TOP2A: variants seen among roughly 807,000 people sequenced by gnomAD.
TOP2A encodes the protein DNA topoisomerase 2-alpha.
TOP2A carries 68 observed loss-of-function variants against 187.2 expected under a neutral mutation model. The observed-to-expected ratio is 0.36, with a 90% CI of 0.30 to 0.44. The LOEUF (loss-of-function observed/expected upper bound fraction) is 0.44. Ranked by LOEUF, TOP2A falls within the 20% of genes least tolerant of loss-of-function variation. The probability of loss-of-function intolerance (pLI) is 1.00; values close to 1 mark genes in which losing one functional copy is unlikely to be tolerated. For synonymous variants in TOP2A, 542 were observed against 593.2 expected (o/e 0.91, Z 1.25); for missense variants, 1,196 against 1,808.7 (o/e 0.66, Z 6.14).
At chr17:40,417,469 C>T in intron 1 of TOP2A, 2 of 1,190,646 alleles carry the variant, frequency 1.7e-6, no homozygotes, top group Non-Finnish European at 2.2e-6. Flanking sequence ...TCTGTACGCG[C>T]GACTCAATAA....
chr17:40,391,214 C>G (rs2035018644), intron 33 of TOP2A: 1 of 256,622 alleles, frequency 3.9e-6, no homozygotes, highest in South Asian at 5.9e-5. Context: ...AGCCACTCTG[C>G]CTGGCTTTTG....
At chr17:40,404,311 A>T (rs893661759) in intron 18 of TOP2A, 38 bp from the exon 19 acceptor site, 2 of 1,608,916 alleles carry the variant, frequency 1.2e-6, no homozygotes, top group South Asian at 1.1e-5. Flanking sequence ...AGTATCCTCA[A>T]TTTAACCAAT....
intron 24 of TOP2A, 47 bp downstream of exon 24, chr17:40,399,825 T>C: frequency 6.7e-7 from 1 of 1,494,194 alleles, no homozygotes. Flanking sequence ...AAAGAAAGTT[T>C]GGCGTAACTA....
Position 40,392,211 on chromosome 17 carries a change from T to TA in TOP2A, c.4088+6dup. The TA allele has an allele frequency of 6.2e-7, 1 of 1,613,192 alleles. No individual in the cohort carries two copies. The highest frequency in any genetic ancestry group is 2.2e-5 in the East Asian group (1 of 44,842). ...ATGACAAAACCCATATTAGATAAGA[T>TA]ACTTGCTTTGGGGAAGTTTTGGTCT... On this transcript the variant is annotated splice_region_variant and intron_variant, in intron 31 of 34. Coordinates refer to ENST00000423485, the MANE Select transcript of TOP2A (RefSeq NM_001067.4).
rs993372311 is a variant in TOP2A, at chr17:40,396,471, G to A, written c.3538-6C>T. 1 of 1,612,726 alleles carries A rather than the reference G, an allele frequency of 6.2e-7. No individual in the cohort carries two copies. Among genetic ancestry groups the A allele is most frequent in the Admixed American group, 1.7e-5 (1 of 59,780 alleles). ...TTTTCCTTGGCTTCAACAGCCTACA[G>A]AAGGGATATAAGAAAGCAAGTTTAA... On this transcript the variant is annotated splice_polypyrimidine_tract_variant and splice_region_variant and intron_variant, in intron 27 of 34. Transcript: ENST00000423485.
At position 40,411,564 on chromosome 17, in the gene TOP2A, A is replaced by G; in HGVS notation, c.963+81T>C. 1 of 1,548,734 alleles carries G rather than the reference A, an allele frequency of 6.5e-7. No homozygotes were observed. The highest frequency in any genetic ancestry group is 1.1e-5 in the South Asian group (1 of 88,732). ...TTATACTAAGCTAGCCCAATATTCA[A>G]GTCCACTTTATATATTAAAAACAAT... is the stretch of plus-strand genomic sequence containing the variant. On this transcript the variant is annotated intron_variant, in intron 8 of 34. Transcript: ENST00000423485. The surrounding 1 kb of genome is among the most constrained non-coding windows in gnomAD (Gnocchi z 4.4).
chr17:40,404,756 C>T (rs1489029719), intron 17 of TOP2A, 35 bp downstream of exon 17: 5 of 1,377,430 alleles, frequency 3.6e-6, no homozygotes, highest in Admixed American at 1.9e-5. Context: ...GTCAGTCTAA[C>T]AATCCATTTT....
At position 40,406,451 on chromosome 17, in the gene TOP2A, G is replaced by A. The variant is rs2143664558; in HGVS notation, c.1886C>T (p.Ala629Val). Residue 629 changes from alanine to valine, a missense_variant, in exon 16 of 35, where the codon GCA becomes GTA. Physicochemically the swap from Ala to Val is moderately conservative, Grantham distance 64 (BLOSUM62 0). Coordinates refer to ENST00000423485, the MANE Select transcript of TOP2A (RefSeq NM_001067.4). ...STSKEAKEYF[A>V]DMKRHRIQFK... is the part of the protein sequence containing the mutation. ...CTGGATACGATGTCTTTTCATATCTGCAAAGTATTCTTTAGCTTCCTTTGA... is the reference window on the plus strand; with the variant it reads ...CTGGATACGATGTCTTTTCATATCTACAAAGTATTCTTTAGCTTCCTTTGA... The A allele has an allele frequency of 6.2e-7, 1 of 1,613,738 alleles. No individual in the cohort carries two copies. Among genetic ancestry groups the A allele is most frequent in the Non-Finnish European group, 8.5e-7 (1 of 1,179,776 alleles).
At chr17:40,396,262 G>A (rs2143635052) in intron 28 of TOP2A, 21 bp downstream of exon 28, 2 of 1,379,844 alleles carry the variant, frequency 1.4e-6, no homozygotes, top group African/African-American at 1.4e-5. Flanking sequence ...TTATAGGTGT[G>A]AGCCACCACA....
chr17:40,396,232 T>C, intron 28 of TOP2A, 51 bp downstream of exon 28: 1 of 1,010,256 alleles, frequency 9.9e-7, no homozygotes, highest in Non-Finnish European at 1.5e-6. Context: ...CCACCCACCT[T>C]GGCCCCCAAA....
intron 4 of TOP2A, among the ~76,000 whole-genome samples, chr17:40,414,932 T>C (rs1178613229): frequency 1.3e-5 from 2 of 151,902 alleles, no homozygotes; most frequent in Non-Finnish European, 1.5e-5. Context: ...TGAAAACTTA[T>C]TTCAGTTATT....
At chr17:40,394,221 A>G (rs182541073) in intron 29 of TOP2A, among the ~76,000 whole-genome samples, 1 of 146,708 alleles carries the variant, frequency 6.8e-6, no homozygotes, top group Non-Finnish European at 1.5e-5. Flanking sequence ...GTGGTCACCC[A>G]GTGGAGAGGA....
At chr17:40,395,322 G>T in intron 29 of TOP2A, 127 bp downstream of exon 29, 41 of 308,388 alleles carry the variant, frequency 1.3e-4, no homozygotes, top group East Asian at 2.2e-4. Context: ...AAGTAGAATT[G>T]AGATACAGTC....
chr17:40,406,377 A>T lies in TOP2A; in HGVS notation c.1953+7T>A. The T allele has an allele frequency of 6.2e-7, 1 of 1,602,940 alleles. No individual in the cohort carries two copies. Among genetic ancestry groups the T allele is most frequent in the Non-Finnish European group, 8.5e-7 (1 of 1,172,880 alleles). On this transcript the variant is annotated splice_region_variant and intron_variant, in intron 16 of 34. Transcript: ENST00000423485. ...TAGAATGTATATAAAATACAACTCA[A>T]ACCTACCAGGCTGATAGCAGCATCA...
At chr17:40,404,528 C>A (rs1434286289) in intron 17 of TOP2A, 37 bp from the exon 18 acceptor site, 3 of 1,193,736 alleles carry the variant, frequency 2.5e-6, no homozygotes, top group Non-Finnish European at 3.6e-6. Context: ...GTCTACCGGT[C>A]TAAACAATGC....
rs377172251 is a variant in TOP2A at position 40,396,380 on chromosome 17, G to C, written c.3623C>G (p.Ala1208Gly). The C allele has an allele frequency of 1.2e-5, 19 of 1,613,820 alleles. No homozygotes were observed. Among genetic ancestry groups the C allele is most frequent in the East Asian group, 2.2e-5 (1 of 44,898 alleles). The change falls in exon 28 of 35, where the codon GCT becomes GGT. Residue 1208 changes from alanine to glycine, a missense_variant. Ala to Gly is a moderately conservative substitution (Grantham distance 60). Transcript: ENST00000423485. ...ACCACGCGGAGAAGGCAAAACTTCA[G>C]CCATTTGTGTTTTTTTCCCCTTGGC... ...GKAKGKKTQM[A>G]EVLPSPRGQR...
chr17:40,411,567 C>T lies in TOP2A; in HGVS notation c.963+78G>A. ...TACTAAGCTAGCCCAATATTCAAGT[C>T]CACTTTATATATTAAAAACAATAAG... On this transcript the variant is annotated intron_variant, in intron 8 of 34. Coordinates refer to ENST00000423485, the MANE Select transcript of TOP2A (RefSeq NM_001067.4). This position sits in a 1 kb window ranked among gnomAD's most constrained non-coding sequence, Gnocchi z 4.4. 6.4e-7 allele frequency: 1 copy of T among 1,551,162 alleles called. No homozygotes were observed. The highest frequency in any genetic ancestry group is 8.9e-7 in the Non-Finnish European group (1 of 1,128,520).
At chr17:40,416,280 G>T in intron 3 of TOP2A, 142 bp downstream of exon 3, 1 of 716,826 alleles carries the variant, frequency 1.4e-6, no homozygotes. Flanking sequence ...TCAACTGATT[G>T]AAATGACAGG....
In TOP2A at chr17:40,403,069, A is replaced by T. The variant is rs1159893911; in HGVS notation, c.2284-15T>A. 6.3e-7 allele frequency: 1 copy of T among 1,578,546 alleles called. No individual in the cohort carries two copies. The highest frequency in any genetic ancestry group is 8.6e-7 in the Non-Finnish European group (1 of 1,158,726). On this transcript the variant is annotated splice_polypyrimidine_tract_variant and intron_variant, in intron 19 of 34. Transcript: ENST00000423485. ...ATTAGTGACATCTGTGGGGAAAAAA[A>T]GATTCATTAAGCTGAGGCTTTTACT... is the stretch of plus-strand genomic sequence containing the variant.
Sources: gnomAD v4.1 joint callset for allele counts (sites outside exome capture counted in the v4.1 genomes callset) on GRCh38, gnomAD v4.1.1 for gene constraint, Gnocchi (gnomAD v3.1) non-coding constraint, MANE v1.5 for transcripts, NCBI Gene and HGNC (gene_info 2026-07-23, HGNC 2026-07-21) for gene names.